The following ULK4 variants were observed in gnomAD, a reference collection of about 807,000 sequenced individuals.
ULK4 encodes unc-51 like kinase 4.
A neutral mutation model predicts 160.6 loss-of-function variants in ULK4; 133 were observed. That is an observed-to-expected ratio of 0.83 (90% CI 0.72 to 0.96). The LOEUF (loss-of-function observed/expected upper bound fraction) is 0.96, where lower values mean the gene tolerates loss of function less well. Ranked by LOEUF, ULK4 falls within the 40% of genes least tolerant of loss-of-function variation. The pLI, the probability that ULK4 is intolerant of heterozygous loss-of-function variation, is 0.00. For synonymous variants in ULK4, 534 were observed against 539.8 expected (o/e 0.99, Z 0.15); for missense variants, 1,580 against 1,499.5 (o/e 1.05, Z -0.89).
intron 34 of ULK4, among the ~76,000 whole-genome samples, chr3:41,405,205 C>T (rs1194126196): frequency 6.6e-6 from 1 of 152,092 alleles, no homozygotes; most frequent in Non-Finnish European, 1.5e-5. Flanking sequence ...GTTTAGCTCC[C>T]ATTTATAAGT....
At chr3:41,583,528 A>T (rs1438517634) in intron 31 of ULK4, among the ~76,000 whole-genome samples, 1 of 152,214 alleles carries the variant, frequency 6.6e-6, no homozygotes, top group Non-Finnish European at 1.5e-5. Context: ...AGTCTCACTC[A>T]ACAGTAACAT....
chr3:41,876,832 C>T (rs781123912), intron 17 of ULK4, among the ~76,000 whole-genome samples: 5 of 152,096 alleles, frequency 3.3e-5, no homozygotes, highest in African/African-American at 4.8e-5. Flanking sequence ...TTGGAAGTTA[C>T]GGTAACTTCC....
rs60281588 is a variant in ULK4 at position 41,657,818 on chromosome 3, T to TAAAA, written c.3071+5785_3071+5788dup. ...GTGACAAAGCGAGACTCCATCTCAT[T>TAAAA]AAAAAAAAAAAAAAAAACACACACC... On this transcript the variant is annotated intron_variant, in intron 30 of 36. Transcript: ENST00000301831. Among the ~76,000 whole-genome samples the TAAAA allele has an allele frequency of 1.5e-4, 15 of 99,730 alleles. 1 individual carries two copies. Among genetic ancestry groups the TAAAA allele is most frequent in the African/African-American group, 5.3e-4 (8 of 14,978 alleles). The allele number at this position is 99,730 out of a possible 152,430, so 65.4% of individuals were successfully genotyped here. A position where few individuals can be genotyped will look rare whatever the true frequency, so the allele number is the denominator to read the frequency against.
chr3:41,731,246 G>A (rs949644763), intron 22 of ULK4, among the ~76,000 whole-genome samples: 18 of 151,822 alleles, frequency 1.2e-4, no homozygotes, highest in East Asian at 7.7e-4. Flanking sequence ...TCCTGCTTGC[G>A]AATGGCATAA....
At chr3:41,525,828 C>T (rs2086096742) in intron 32 of ULK4, among the ~76,000 whole-genome samples, 1 of 152,218 alleles carries the variant, frequency 6.6e-6, no homozygotes. Flanking sequence ...ACTAATCATG[C>T]TTATGATGTA....
At chr3:41,611,589 C>A (rs771802909) in intron 31 of ULK4, among the ~76,000 whole-genome samples, 2 of 152,058 alleles carry the variant, frequency 1.3e-5, no homozygotes, top group African/African-American at 2.4e-5. Flanking sequence ...CTCCCAGAAT[C>A]GAGTTTCCAC....
intron 30 of ULK4, among the ~76,000 whole-genome samples, chr3:41,641,209 C>G (rs1213364290): frequency 1.3e-5 from 2 of 152,166 alleles, no homozygotes; most frequent in African/African-American, 4.8e-5. Context: ...CAAATCAGCC[C>G]TGGTGCAGCA....
chr3:41,736,133 AT>A, intron 22 of ULK4, among the ~76,000 whole-genome samples: 1 of 151,748 alleles, frequency 6.6e-6, no homozygotes, highest in East Asian at 1.9e-4. Flanking sequence ...GCTATTGTGA[AT>A]AATGCCACAA....
intron 23 of ULK4, among the ~76,000 whole-genome samples, chr3:41,717,069 GAA>G (rs890706455): frequency 4.6e-5 from 7 of 151,806 alleles, no homozygotes; most frequent in African/African-American, 1.7e-4. Context: ...GAGGGATGAG[GAA>G]AAAAAGTGGG....
chr3:41,814,687 C>T (rs1575755736), intron 19 of ULK4, among the ~76,000 whole-genome samples: 1 of 151,950 alleles, frequency 6.6e-6, no homozygotes, highest in African/African-American at 2.4e-5. Flanking sequence ...TTTAGATTGC[C>T]TTTTCCCTTG....
At chr3:41,432,137 C>G (rs757607487) in intron 34 of ULK4, among the ~76,000 whole-genome samples, 1 of 151,996 alleles carries the variant, frequency 6.6e-6, no homozygotes, top group African/African-American at 2.4e-5. Context: ...AACAAGGCAA[C>G]GACGGCTTCT....
At chr3:41,482,579 A>T (rs2084366686) in intron 32 of ULK4, among the ~76,000 whole-genome samples, 1 of 152,176 alleles carries the variant, frequency 6.6e-6, no homozygotes, top group Non-Finnish European at 1.5e-5. Context: ...TTCTAATATG[A>T]GCAGGTAAGA....
chr3:41,855,703 T>A (rs1486487221), intron 17 of ULK4, among the ~76,000 whole-genome samples: 1 of 152,228 alleles, frequency 6.6e-6, no homozygotes, highest in African/African-American at 2.4e-5. Flanking sequence ...GGAAGCTCAC[T>A]TTAAATTGCA....
intron 4 of ULK4, among the ~76,000 whole-genome samples, chr3:41,935,248 G>T (rs1699735068): frequency 8.9e-6 from 1 of 112,528 alleles, no homozygotes; most frequent in Admixed American, 8.8e-5. Flanking sequence ...TTTTTTTTGA[G>T]ACGGAGTCTT....
At chr3:41,247,815 G>C (rs538974292) in intron 36 of ULK4, among the ~76,000 whole-genome samples, 4 of 152,362 alleles carry the variant, frequency 2.6e-5, no homozygotes, top group Admixed American at 6.5e-5. Flanking sequence ...AGTGAGGCTG[G>C]AAAGGACAAA....
chr3:41,423,819 C>A (rs900445182), intron 34 of ULK4, among the ~76,000 whole-genome samples: 1 of 152,216 alleles, frequency 6.6e-6, no homozygotes, highest in Admixed American at 6.5e-5. Context: ...AGTGAGTGAT[C>A]ATGCTACCCT....
In ULK4 at chr3:41,284,321, A is replaced by T. The variant is rs147223210; in HGVS notation, c.3679-34747T>A. On this transcript the variant is annotated intron_variant, in intron 35 of 36. Transcript: ENST00000301831. ...AAGCAAAGAGAACAAATGTGGAGGC[A>T]TCACACTACCTGATTTCACACTTTC... Among the ~76,000 whole-genome samples the T allele has an allele frequency of 4.2e-3, 633 of 152,312 alleles. 3 individuals are homozygous for T. Among genetic ancestry groups the T allele is most frequent in the African/African-American group, 0.015 (604 of 41,568 alleles).
chr3:41,507,563 T>C (rs1463519343), intron 32 of ULK4, among the ~76,000 whole-genome samples: 3 of 135,358 alleles, frequency 2.2e-5, no homozygotes, highest in African/African-American at 8.5e-5. Flanking sequence ...GGGAAAACAC[T>C]TTTCTTCCCA....
chr3:41,713,739 C>T (rs2037175598), intron 25 of ULK4, among the ~76,000 whole-genome samples: 1 of 152,140 alleles, frequency 6.6e-6, no homozygotes, highest in Admixed American at 6.5e-5. Flanking sequence ...TCTTTATGGA[C>T]ACACTCAGTG....
Sources: gnomAD v4.1 joint callset for allele counts (sites outside exome capture counted in the v4.1 genomes callset) on GRCh38, gnomAD v4.1.1 for gene constraint, MANE v1.5 for transcripts, NCBI Gene and HGNC (gene_info 2026-07-23, HGNC 2026-07-21) for gene names.